TTN: variants seen among roughly 807,000 people sequenced by gnomAD.
TTN encodes the protein titin, also known as connectin.
TTN carries 1,525 observed loss-of-function variants against 3,223.0 expected under a neutral mutation model. The ratio of observed to expected loss-of-function variants is 0.47; its 90% confidence interval spans 0.45 to 0.49. The LOEUF (loss-of-function observed/expected upper bound fraction) is 0.49. TTN is among the 20% of genes least tolerant of loss of function. TTN has a pLI of 0.00. For synonymous variants in TTN, 14,094 were observed against 15,161.0 expected, an observed-to-expected ratio of 0.93 and a Z score of 5.17; for missense variants, 40,786 against 43,424.0, an observed-to-expected ratio of 0.94 and a Z score of 5.40.
At chr2:178,784,496 T>C (rs2093027718) in intron 15 of TTN, 145 bp from the exon 16 acceptor site, 2 of 997,202 alleles carry the variant, frequency 2.0e-6, no homozygotes, top group East Asian at 5.2e-5. Flanking sequence ...TAATGAAAAG[T>C]CATTTAGAGA....
rs933954403 is a variant in TTN, at chr2:178,571,211, T to G, written c.74921A>C (p.Glu24974Ala). 1.2e-6 allele frequency: 2 copies of G among 1,613,562 alleles called. No individual in the cohort carries two copies. The highest frequency in any genetic ancestry group is 8.5e-7 in the Non-Finnish European group (1 of 1,179,638). Residue 24974 changes from glutamate (E) to alanine (A), a missense_variant, in exon 326 of 363, where the codon GAA becomes GCA. By Grantham distance (107) the Glu-to-Ala change is moderately radical. Coordinates refer to ENST00000589042, the MANE Select transcript of TTN (RefSeq NM_001267550.2). ...PQTKFKTTGLEEGVEYEFRVS... is the reference protein window; with the variant it reads ...PQTKFKTTGLAEGVEYEFRVS... ...TCTAAATTCATATTCAACACCTTCT[T>G]CAAGGCCAGTTGTCTTAAACTTGGT...
chr2:178,795,554 T>C (rs2093724591), intron 6 of TTN, among the ~76,000 whole-genome samples: 1 of 152,130 alleles, frequency 6.6e-6, no homozygotes, highest in South Asian at 2.1e-4. Flanking sequence ...AGCTACTTCT[T>C]TAATATGCAG....
At position 178,565,540 on chromosome 2, in the gene TTN, T is replaced by C. The variant is rs769223218; in HGVS notation, c.80592A>G (p.Pro26864=). 6.2e-6 allele frequency: 10 copies of C among 1,613,462 alleles called. No homozygotes were observed. The African/African-American group carries it at 9.3e-5, about 15-fold the overall frequency. ...KAYNEKGKSD[P]RVLGVPVIAK... ...CTATGACAGGAACACCCAACACTCT[T>C]GGATCGCTTTTTCCTTTCTCATTAT... The change falls in exon 326 of 363, where the codon CCA becomes CCG. Residue 26864 remains proline, a synonymous_variant. Transcript: ENST00000589042.
At chr2:178,675,815 C>G in intron 148 of TTN, 61 bp from the exon 149 acceptor site, 2 of 1,525,516 alleles carry the variant, frequency 1.3e-6, no homozygotes, top group Admixed American at 3.9e-5. Flanking sequence ...CAAGTAGACA[C>G]AGCAGTAATA....
Position 178,688,256 on chromosome 2 carries a change from C to G in TTN, c.32198-32G>C, listed in dbSNP as rs759585847. 16 of 1,590,884 alleles carry G rather than the reference C, an allele frequency of 1.0e-5. No homozygotes were observed. The South Asian group carries it at 1.8e-4, about 18-fold the overall frequency. On this transcript the variant is annotated intron_variant, in intron 126 of 362. Transcript: ENST00000589042. ...AAGATAAGGTTTCATTTAAATTCAG[C>G]CTGCTGAGATACAGATGTATATACA...
chr2:178,615,540 T>C (rs1043755915), intron 258 of TTN, 56 bp from the exon 259 acceptor site: 15 of 1,608,256 alleles, frequency 9.3e-6, no homozygotes, highest in Admixed American at 1.7e-5. Context: ...GCAGTTCTCT[T>C]CACATTGCCA....
rs762866554 is a variant in TTN at position 178,582,984 on chromosome 2, T to C, written c.65819A>G (p.Asn21940Ser). ...GGTGGCTGATTTAGAACCACTTGAA[T>C]TTTCAGCAGTAATGGTATAGTCTCC... The part of the protein sequence containing the change: ...DSGDYTITAE[N>S]SSGSKSATIK... The change falls in exon 313 of 363, where the codon AAT (asparagine) becomes AGT (serine). Residue 21940 changes from asparagine (N) to serine (S), a missense_variant. Physicochemically the swap from Asn to Ser is conservative, Grantham distance 46. Transcript: ENST00000589042. 1.7e-5 allele frequency: 27 copies of C among 1,554,834 alleles called. No homozygotes were observed. The highest frequency in any genetic ancestry group is 2.4e-5 in the Non-Finnish European group (27 of 1,147,780).
rs375361462 is a variant in TTN, at chr2:178,539,214, G to A, written c.98721C>T (p.Leu32907=). ...PEPPSNPPEV[L]DVTKSSVSLS... ...AGCTAACAGAACTCTTGGTTACATC[G>A]AGTACTTCTGGAGGATTGCTTGGAG... The change falls in exon 353 of 363, where the codon CTC becomes CTT. Residue 32907 remains leucine, a synonymous_variant. Coordinates refer to ENST00000589042, the MANE Select transcript of TTN (RefSeq NM_001267550.2). 3.6e-5 allele frequency: 58 copies of A among 1,613,626 alleles called. No individual in the cohort carries two copies. The highest frequency in any genetic ancestry group is 3.3e-4 in the Admixed American group (20 of 59,990).
intron 70 of TTN, 39 bp downstream of exon 70, chr2:178,725,729 A>T: frequency 1.3e-6 from 2 of 1,552,654 alleles, no homozygotes. Context: ...GATTTTGCAC[A>T]TTTATGACAT....
Position 178,683,303 on chromosome 2 carries a change from T to A in TTN, c.32807-12A>T. 1 of 1,460,212 alleles carries A rather than the reference T, an allele frequency of 6.8e-7. No individual in the cohort carries two copies. The highest frequency in any genetic ancestry group is 9.2e-7 in the Non-Finnish European group (1 of 1,082,154). The allele number at this position is 1,460,212 out of a possible 1,614,324, so 90.5% of individuals were successfully genotyped here. On this transcript the variant is annotated splice_polypyrimidine_tract_variant and intron_variant, in intron 133 of 362. Transcript: ENST00000589042. ...TCTGAATTCAGTCACTTTAAAGGAG[T>A]AATTATTAAAAGTGAATTGCAAGAT...
chr2:178,600,709 TA>T, intron 288 of TTN, 144 bp downstream of exon 288: 2 of 905,048 alleles, frequency 2.2e-6, no homozygotes, highest in East Asian at 2.5e-5. Flanking sequence ...AAGGAATGAG[TA>T]ATTAAGTAAT....
At chr2:178,581,299 T>G (rs1417907863) in intron 316 of TTN, among the ~76,000 whole-genome samples, 200 bp downstream of exon 316, 2 of 152,060 alleles carry the variant, frequency 1.3e-5, no homozygotes, top group East Asian at 3.9e-4. Context: ...GAAAAGCTTT[T>G]CAAAACCACA....
At position 178,654,184 on chromosome 2, in the gene TTN, T is replaced by A; in HGVS notation, c.38380+24A>T. 3.8e-6 allele frequency: 6 copies of A among 1,592,240 alleles called. No individual in the cohort carries two copies. The East Asian group carries it at 1.3e-4, about 36-fold the overall frequency. ...AGGGGTACAGACAGTAAGTTATTCT[T>A]AGCAGAGGAGAGGGAATAAATACCT... On this transcript the variant is annotated intron_variant, in intron 193 of 362. Coordinates refer to ENST00000589042, the MANE Select transcript of TTN (RefSeq NM_001267550.2).
In TTN at chr2:178,565,094, C is replaced by A. The variant is rs376374751; in HGVS notation, c.81038G>T (p.Arg27013Leu). 6.2e-7 allele frequency: 1 copy of A among 1,613,564 alleles called. No individual in the cohort carries two copies. The highest frequency in any genetic ancestry group is 1.3e-5 in the African/African-American group (1 of 74,982). Residue 27013 changes from arginine to leucine, a missense_variant, in exon 326 of 363, where the codon CGA (arginine) becomes CTA (leucine). Physicochemically the swap from Arg to Leu is moderately radical, Grantham distance 102 (BLOSUM62 -2). Transcript: ENST00000589042. Reference protein sequence around the residue: ...CQISNYIVEKRDTTTTTWHMV... With the variant: ...CQISNYIVEKLDTTTTTWHMV... ...GTGCCAAGTGGTGGTGGTTGTATCT[C>A]GCTTCTCTACAATGTAGTTGCTTAT... is the stretch of plus-strand genomic sequence containing the variant.
At chr2:178,722,205 CAAT>C in intron 77 of TTN, 51 bp downstream of exon 77, 1 of 1,529,292 alleles carries the variant, frequency 6.5e-7, no homozygotes, top group South Asian at 1.3e-5. Context: ...TCTACTTTGA[CAAT>C]GAAATATGAA....
Position 178,600,991 on chromosome 2 carries a change from T to C in TTN, c.55913A>G (p.Asp18638Gly). 1 of 1,613,054 alleles carries C rather than the reference T, an allele frequency of 6.2e-7. No individual in the cohort carries two copies. The highest frequency in any genetic ancestry group is 8.5e-7 in the Non-Finnish European group (1 of 1,179,344). ...KEAWRQCNKR[D>G]VEELQFTVED... is the part of the protein sequence containing the mutation. ...AACAGTAAATTGCAGTTCTTCCACATCACGCTTATTGCACTGCCTCCAGGC... is the reference window on the plus strand; with the variant it reads ...AACAGTAAATTGCAGTTCTTCCACACCACGCTTATTGCACTGCCTCCAGGC... Residue 18638 changes from aspartate (D) to glycine (G), a missense_variant, in exon 288 of 363, where the codon GAT (aspartate) becomes GGT (glycine). Coordinates refer to ENST00000589042, the MANE Select transcript of TTN (RefSeq NM_001267550.2).
Position 178,723,903 on chromosome 2 carries a change from G to A in TTN, c.21356C>T (p.Ala7119Val). The change falls in exon 73 of 363, where the codon GCT becomes GTT. Residue 7119 changes from alanine to valine, a missense_variant. Transcript: ENST00000589042. ...SDMGNYTCVA[A>V]NVAGSDECRA... ...ACATTCATCAGACCCAGCGACATTA[G>A]CAGCCACGCATGTGTAATTGCCCAT... 1 of 1,613,308 alleles carries A rather than the reference G, an allele frequency of 6.2e-7. No individual in the cohort carries two copies.
At chr2:178,653,193 G>A (rs2063420693) in intron 198 of TTN, 45 bp downstream of exon 198, 6 of 1,606,330 alleles carry the variant, frequency 3.7e-6, no homozygotes, top group East Asian at 2.3e-5. Context: ...GTCTTCAACT[G>A]CAAAAGAATT....
chr2:178,691,549 G>A (rs538856287), intron 121 of TTN, among the ~76,000 whole-genome samples: 1 of 152,304 alleles, frequency 6.6e-6, no homozygotes, highest in South Asian at 2.1e-4. Context: ...TGACTTTTAA[G>A]AAGCGTGGTA....
Sources: gnomAD v4.1 joint callset for allele counts (sites outside exome capture counted in the v4.1 genomes callset) on GRCh38, gnomAD v4.1.1 for gene constraint, MANE v1.5 for transcripts, NCBI Gene and HGNC (gene_info 2026-07-23, HGNC 2026-07-21) for gene names.